Variants in MROH9 observed in about 807,000 individuals in gnomAD.
MROH9 encodes maestro heat like repeat family member 9.
In MROH9, 92 loss-of-function variants were observed where a neutral mutation model predicts 98.2. That is an observed-to-expected ratio of 0.94 (90% CI 0.79 to 1.11). The LOEUF is 1.11. Ranked by LOEUF, MROH9 falls within the 50% of genes most tolerant of loss-of-function variation. The probability of loss-of-function intolerance (pLI) is 0.00; values close to 1 mark genes in which losing one functional copy is unlikely to be tolerated. For missense variants in MROH9, 1,057 were observed against 1,014.8 expected (o/e 1.04, Z -0.57); for synonymous variants, 397 against 368.9 (o/e 1.08, Z -0.87).
chr1:170,996,676 G>C lies in MROH9; in HGVS notation c.1475+32G>C, dbSNP rs766763413. On this transcript the variant is annotated intron_variant, in intron 14 of 21. Coordinates refer to ENST00000367759, the MANE Select transcript of MROH9 (RefSeq NM_001163629.2). ...ACAGGGGTCTCTGTGTAGGATTCTTGGTCTCTATCCTACCTTCTCCAACTT... is the reference window on the plus strand; with the variant it reads ...ACAGGGGTCTCTGTGTAGGATTCTTCGTCTCTATCCTACCTTCTCCAACTT... 4 of 1,609,192 alleles carry C rather than the reference G, an allele frequency of 2.5e-6. No individual in the cohort carries two copies. The Admixed American group carries it at 5.0e-5, about 20-fold the overall frequency.
At chr1:170,965,913 A>G (rs1650218053) in intron 7 of MROH9, among the ~76,000 whole-genome samples, 1 of 152,082 alleles carries the variant, frequency 6.6e-6, no homozygotes, top group Non-Finnish European at 1.5e-5. Flanking sequence ...ATGTCAACAT[A>G]TGTAGATTCA....
At chr1:171,036,177 T>C (rs1427706940) in intron 20 of MROH9, among the ~76,000 whole-genome samples, 1 of 152,066 alleles carries the variant, frequency 6.6e-6, no homozygotes, top group African/African-American at 2.4e-5. Context: ...CAGCTAGAAC[T>C]AAAGAGTTAT....
intron 20 of MROH9, among the ~76,000 whole-genome samples, chr1:171,055,746 G>A (rs1356982115): frequency 1.3e-5 from 2 of 151,898 alleles, no homozygotes; most frequent in African/African-American, 2.4e-5. Flanking sequence ...GGTGGCAGTC[G>A]GAGGCTTCCA....
intron 9 of MROH9, among the ~76,000 whole-genome samples, chr1:170,985,642 G>A (rs767204895): frequency 6.6e-5 from 10 of 152,066 alleles, no homozygotes; most frequent in Non-Finnish European, 1.2e-4. Context: ...AGAATATTCT[G>A]CCCTCCAATA....
At position 171,029,354 on chromosome 1, in the gene MROH9, C is replaced by A. The variant is rs537684272; in HGVS notation, c.2281+3934C>A. On this transcript the variant is annotated intron_variant, in intron 20 of 21. Coordinates refer to ENST00000367759, the MANE Select transcript of MROH9 (RefSeq NM_001163629.2). ...GCCTCCTGAGTAGCTAGGGTTACAG[C>A]ATGTGCCACCATGCCCAGCTAATTT... Among the ~76,000 whole-genome samples, 30 of 152,068 alleles carry A rather than the reference C, an allele frequency of 2.0e-4. 1 individual carries two copies. Among genetic ancestry groups the A allele is most frequent in the African/African-American group, 7.2e-4 (30 of 41,512 alleles).
intron 17 of MROH9, among the ~76,000 whole-genome samples, chr1:171,020,062 C>T (rs1652466759): frequency 6.6e-6 from 1 of 152,054 alleles, no homozygotes. Context: ...CAAGACAAAG[C>T]CAGGAAGAAG....
chr1:170,985,652 A>T (rs954864540), intron 9 of MROH9, among the ~76,000 whole-genome samples: 8 of 152,164 alleles, frequency 5.3e-5, no homozygotes, highest in Middle Eastern at 3.2e-3. Flanking sequence ...GCCCTCCAAT[A>T]TTTTTTAAAA....
At chr1:170,986,744 G>A (rs376310984) in intron 10 of MROH9, 34 bp downstream of exon 10, 2 of 1,601,144 alleles carry the variant, frequency 1.2e-6, no homozygotes. Flanking sequence ...GAGAGCACAG[G>A]GTTTACTCTC....
chr1:170,997,355 T>C (rs76564116), intron 14 of MROH9, among the ~76,000 whole-genome samples: 2,179 of 152,256 alleles, frequency 0.014, 42 homozygotes, highest in African/African-American at 0.05. Context: ...ACAAGTTGAA[T>C]GTCACTCTAA....
Position 170,992,256 on chromosome 1 carries a change from CT to C in MROH9, c.1122del (p.Glu376LysfsTer6). ...KTILLILKGK[P>X]GEMEDTVTEG... ...ATCTTATTGATACTGAAAGGAAAGC[CT>C]GGGGAAATGGAGGACACCGTAACGG... On this transcript the variant is annotated frameshift_variant, in exon 12 of 22. Transcript: ENST00000367759. LOFTEE classifies it high-confidence loss of function. The C allele has an allele frequency of 6.2e-7, 1 of 1,613,554 alleles. No individual in the cohort carries two copies. The highest frequency in any genetic ancestry group is 1.7e-5 in the Admixed American group (1 of 59,922).
intron 12 of MROH9, among the ~76,000 whole-genome samples, chr1:170,993,256 C>A (rs61257100): frequency 0.064 from 9,755 of 152,180 alleles, 363 homozygotes; most frequent in African/African-American, 0.077. Context: ...CAGTCCAAAG[C>A]ATTTCTAGGA....
chr1:170,984,373 C>G (rs1178700096), intron 9 of MROH9, among the ~76,000 whole-genome samples: 1 of 152,186 alleles, frequency 6.6e-6, no homozygotes, highest in African/African-American at 2.4e-5. Flanking sequence ...GTCAAAAATA[C>G]TGCATAGCTG....
At chr1:171,050,486 G>C (rs1653628639) in intron 20 of MROH9, among the ~76,000 whole-genome samples, 1 of 152,238 alleles carries the variant, frequency 6.6e-6, no homozygotes, top group African/African-American at 2.4e-5. Context: ...CTTTATCCTT[G>C]TTGGTGTATG....
At chr1:171,062,042 G>GA in intron 20 of MROH9, 90 bp from the exon 21 acceptor site, 2 of 806,542 alleles carry the variant, frequency 2.5e-6, no homozygotes, top group Non-Finnish European at 4.1e-6. Context: ...GCTTTGCTTT[G>GA]AAAAAAGCAA....
Position 170,970,731 on chromosome 1 carries a change from T to TGAGAGAGAGAGAGA in MROH9, c.481-992_481-979dup, listed in dbSNP as rs1199063303. Among the ~76,000 whole-genome samples the TGAGAGAGAGAGAGA allele has an allele frequency of 3.4e-3, 306 of 90,824 alleles. 4 individuals carry two copies. Among genetic ancestry groups the TGAGAGAGAGAGAGA allele is most frequent in the African/African-American group, 9.9e-3 (230 of 23,118 alleles). 59.6% of individuals were successfully genotyped at this position (90,824 alleles called of 152,430 possible). ...GTGTGTGTGTGTGTGTGTGTGTGTG[T>TGAGAGAGAGAGAGA]GAGAGAGAGAGAGAGAGAGAGAGAG... On this transcript the variant is annotated intron_variant, in intron 7 of 21. Transcript: ENST00000367759.
rs1651785437 is a variant in MROH9 at position 171,001,649 on chromosome 1, A to AT, written c.1596+3381dup. On this transcript the variant is annotated intron_variant, in intron 15 of 21. Transcript: ENST00000367759. ...AGTTTTCTTAAATTTATTGAGGCTC[A>AT]TTTTTTGGCCTATCATATATTCTAT... is the stretch of plus-strand genomic sequence containing the variant. Among the ~76,000 whole-genome samples the AT allele has an allele frequency of 2.0e-5, 3 of 152,054 alleles. No homozygotes were observed. The South Asian group carries it at 6.2e-4, about 32-fold the overall frequency.
intron 8 of MROH9, among the ~76,000 whole-genome samples, chr1:170,980,771 G>T (rs1204158031): frequency 1.3e-5 from 2 of 152,112 alleles, no homozygotes; most frequent in East Asian, 3.9e-4. Flanking sequence ...TGACAAATGA[G>T]ATCTAATTCA....
At chr1:171,049,584 C>T (rs1346293929) in intron 20 of MROH9, among the ~76,000 whole-genome samples, 4 of 152,152 alleles carry the variant, frequency 2.6e-5, no homozygotes, top group Admixed American at 6.5e-5. Flanking sequence ...CTCCACCCCC[C>T]ATTTCTTCAT....
At chr1:171,022,173 G>C (rs997638318) in intron 17 of MROH9, among the ~76,000 whole-genome samples, 1 of 152,186 alleles carries the variant, frequency 6.6e-6, no homozygotes, top group African/African-American at 2.4e-5. Context: ...TTCAACTATT[G>C]TGGAATAAAG....
Sources: gnomAD v4.1 joint callset for allele counts (sites outside exome capture counted in the v4.1 genomes callset) on GRCh38, gnomAD v4.1.1 for gene constraint, MANE v1.5 for transcripts, NCBI Gene and HGNC (gene_info 2026-07-23, HGNC 2026-07-21) for gene names.